PPME1: variants seen among roughly 807,000 people sequenced by gnomAD.
PPME1 encodes protein phosphatase methylesterase 1.
PPME1 carries 17 observed loss-of-function variants against 56.9 expected under a neutral mutation model. That is an observed-to-expected ratio of 0.30 (90% CI 0.20 to 0.45). The LOEUF (loss-of-function observed/expected upper bound fraction) is 0.45, where lower values mean the gene tolerates loss of function less well. Ranked by LOEUF, PPME1 falls within the 20% of genes least tolerant of loss-of-function variation. The pLI is 1.00. For synonymous variants in PPME1, 122 were observed against 156.2 expected (o/e 0.78, Z 1.63); for missense variants, 357 against 483.2 (o/e 0.74, Z 2.45).
chr11:74,201,196 C>T (rs1321959094), intron 1 of PPME1, among the ~76,000 whole-genome samples: 2 of 151,940 alleles, frequency 1.3e-5, no homozygotes, highest in African/African-American at 2.4e-5. Flanking sequence ...AGGATGGTCT[C>T]GATCTCCTGA....
At chr11:74,238,677 T>A (rs1315256024) in intron 8 of PPME1, 3 of 152,386 alleles carry the variant, frequency 2.0e-5, no homozygotes, top group African/African-American at 7.2e-5. Flanking sequence ...AAGTGAGGCC[T>A]TTTATCATTC....
chr11:74,235,812 C>T (rs1180104520), intron 7 of PPME1, 89 bp from the exon 8 acceptor site: 1 of 1,538,828 alleles, frequency 6.5e-7, no homozygotes, highest in Non-Finnish European at 8.8e-7. Context: ...TTAGGTCTCA[C>T]ATAATCTGTA....
Position 74,239,273 on chromosome 11 carries a change from A to G in PPME1, c.834+17A>G. 1.2e-6 allele frequency: 2 copies of G among 1,610,176 alleles called. No individual in the cohort carries two copies. Among genetic ancestry groups the G allele is most frequent in the Non-Finnish European group, 1.7e-6 (2 of 1,178,516 alleles). The stretch of plus-strand genomic sequence containing the variant: ...GACATGGAGGTGGGTAAAAACATTC[A>G]TTCTTGAAAAGATGCGGTATGGAAT... On this transcript the variant is annotated intron_variant, in intron 9 of 13. Transcript: ENST00000328257.
At chr11:74,178,017 T>G (rs920820680) in intron 1 of PPME1, among the ~76,000 whole-genome samples, 1 of 152,224 alleles carries the variant, frequency 6.6e-6, no homozygotes, top group Non-Finnish European at 1.5e-5. Flanking sequence ...TAATTTGCTG[T>G]TATCAGTTTA....
chr11:74,176,379 A>G (rs1455039617), intron 1 of PPME1, among the ~76,000 whole-genome samples: 1 of 152,052 alleles, frequency 6.6e-6, no homozygotes, highest in Non-Finnish European at 1.5e-5. Context: ...AAGTGAAGTG[A>G]TTTGCTCAAG....
At chr11:74,219,310 A>G (rs1286878197) in intron 3 of PPME1, among the ~76,000 whole-genome samples, 1 of 151,026 alleles carries the variant, frequency 6.6e-6, no homozygotes, top group Admixed American at 6.6e-5. Context: ...TAAAGCCACT[A>G]TGGAGAACAG....
At chr11:74,189,669 A>G (rs1857783685) in intron 1 of PPME1, among the ~76,000 whole-genome samples, 2 of 152,090 alleles carry the variant, frequency 1.3e-5, no homozygotes, top group Admixed American at 1.3e-4. Context: ...CTTTTCCATT[A>G]TTTTCCCTGC....
At chr11:74,196,572 A>G (rs1857986892) in intron 1 of PPME1, among the ~76,000 whole-genome samples, 1 of 152,142 alleles carries the variant, frequency 6.6e-6, no homozygotes, top group Non-Finnish European at 1.5e-5. Context: ...AGACCTGAAG[A>G]GAGGGTTCTT....
At chr11:74,175,310 C>G (rs1857376275) in intron 1 of PPME1, among the ~76,000 whole-genome samples, 1 of 152,056 alleles carries the variant, frequency 6.6e-6, no homozygotes, top group African/African-American at 2.4e-5. Context: ...CAAGACCAGC[C>G]TGACCAACAT....
At chr11:74,243,271 C>G (rs1399079773) in intron 9 of PPME1, 1 of 151,590 alleles carries the variant, frequency 6.6e-6, no homozygotes, top group Non-Finnish European at 1.5e-5. Flanking sequence ...AACCTAAATA[C>G]AGAAGAAATC....
rs1859047691 is a variant in PPME1 at position 74,230,861 on chromosome 11, A to G, written c.554-51A>G. Reference sequence around the variant, plus strand: ...TATAGTAGTTGACTCAGTAAGTGTAAATGCTCAGAATAAGTTAAATATGTG... The same window carrying G: ...TATAGTAGTTGACTCAGTAAGTGTAGATGCTCAGAATAAGTTAAATATGTG... On this transcript the variant is annotated intron_variant, in intron 6 of 13. Transcript: ENST00000328257. This position sits in a 1 kb window ranked among gnomAD's most constrained non-coding sequence, Gnocchi z 4.9. 1 of 1,345,030 alleles carries G rather than the reference A, an allele frequency of 7.4e-7. No homozygotes were observed. The highest frequency in any genetic ancestry group is 1.3e-5 in the South Asian group (1 of 79,930). 83.3% of individuals were successfully genotyped at this position (1,345,030 alleles called of 1,614,324 possible). A position where few individuals can be genotyped will look rare whatever the true frequency, so the allele number is the denominator to read the frequency against.
At chr11:74,193,369 C>T (rs1857894098) in intron 1 of PPME1, among the ~76,000 whole-genome samples, 1 of 152,188 alleles carries the variant, frequency 6.6e-6, no homozygotes, top group Non-Finnish European at 1.5e-5. Context: ...AAATTACCTC[C>T]AGGCCATGTG....
At chr11:74,196,031 C>T (rs1355806343) in intron 1 of PPME1, among the ~76,000 whole-genome samples, 2 of 152,160 alleles carry the variant, frequency 1.3e-5, no homozygotes, top group African/African-American at 2.4e-5. Flanking sequence ...TAATGACTAA[C>T]AGGAAGTACT....
At chr11:74,208,283 T>G (rs1236141933) in intron 3 of PPME1, among the ~76,000 whole-genome samples, 3 of 149,096 alleles carry the variant, frequency 2.0e-5, no homozygotes, top group Non-Finnish European at 4.4e-5. Context: ...CTGCACTCCA[T>G]GCTGGCGACA....
At chr11:74,252,671 A>G (rs976043051) in intron 13 of PPME1, 9 of 388,838 alleles carry the variant, frequency 2.3e-5, no homozygotes, top group South Asian at 1.3e-4. Flanking sequence ...TACCCACCTG[A>G]TAACAGTAGT....
chr11:74,248,543 T>G (rs1043468848), intron 11 of PPME1: 5 of 152,248 alleles, frequency 3.3e-5, no homozygotes, highest in Admixed American at 1.3e-4. Context: ...GGCTTTGCCT[T>G]CCTTTAACTA....
chr11:74,173,549 AT>A (rs1356361098), intron 1 of PPME1, among the ~76,000 whole-genome samples: 1 of 150,558 alleles, frequency 6.6e-6, no homozygotes, highest in Non-Finnish European at 1.5e-5. Flanking sequence ...TTTTCATTTT[AT>A]TTTTTTTTAG....
intron 1 of PPME1, among the ~76,000 whole-genome samples, chr11:74,174,318 A>G (rs1267740100): frequency 6.6e-6 from 1 of 152,188 alleles, no homozygotes; most frequent in African/African-American, 2.4e-5. Flanking sequence ...TTGGAGTCAT[A>G]ATTGTCATCT....
intron 4 of PPME1, among the ~76,000 whole-genome samples, chr11:74,224,989 T>C (rs1019327895): frequency 3.3e-5 from 5 of 152,152 alleles, no homozygotes; most frequent in Non-Finnish European, 5.9e-5. Context: ...TATGCTGATG[T>C]ATAAGGAATG....
Sources: allele counts gnomAD v4.1 joint callset (sites outside exome capture counted in the v4.1 genomes callset), GRCh38; gene constraint gnomAD v4.1.1; non-coding constraint Gnocchi (gnomAD v3.1); transcripts MANE v1.5; gene names NCBI Gene and HGNC (gene_info 2026-07-23, HGNC 2026-07-21).